The following GRIK3 variants were observed in gnomAD, a reference collection of about 807,000 sequenced individuals.
GRIK3 encodes glutamate receptor ionotropic, kainate 3.
GRIK3 carries 29 observed loss-of-function variants against 102.5 expected under a neutral mutation model. The observed-to-expected ratio is 0.28, with a 90% confidence interval of 0.21 to 0.39. The LOEUF is 0.39. Ranked by LOEUF, GRIK3 falls within the 10% of genes least tolerant of loss-of-function variation. The probability of loss-of-function intolerance (pLI) is 1.00; values close to 1 mark genes in which losing one functional copy is unlikely to be tolerated. For synonymous variants in GRIK3, 511 were observed against 504.9 expected (o/e 1.01, Z -0.16); for missense variants, 908 against 1,252.4 (o/e 0.73, Z 4.15).
At position 36,880,012 on chromosome 1, in the gene GRIK3, C is replaced by T. The variant is rs1037414224; in HGVS notation, c.550+622G>A. ...TGGGTAGAGAAGAGTGTGTGTGTGG[C>T]GGGTGAAGGTGTGAGGAGGATGAGA... is the stretch of plus-strand genomic sequence containing the variant. On this transcript the variant is annotated intron_variant, in intron 3 of 15. Coordinates refer to ENST00000373091, the MANE Select transcript of GRIK3 (RefSeq NM_000831.4). This position sits in a 1 kb window ranked among gnomAD's most constrained non-coding sequence, Gnocchi z 5.4. Among the ~76,000 whole-genome samples the T allele has an allele frequency of 7.2e-5, 11 of 151,932 alleles. No individual in the cohort carries two copies. The highest frequency in any genetic ancestry group is 3.9e-4 in the Admixed American group (6 of 15,264).
chr1:37,003,822 C>A (rs1426207541), intron 1 of GRIK3, among the ~76,000 whole-genome samples: 2 of 152,188 alleles, frequency 1.3e-5, no homozygotes, highest in African/African-American at 4.8e-5. Context: ...TGCCACCCTG[C>A]TGGGCTGAAG....
chr1:36,999,219 C>A (rs1325214045), intron 1 of GRIK3, among the ~76,000 whole-genome samples: 1 of 152,010 alleles, frequency 6.6e-6, no homozygotes, highest in African/African-American at 2.4e-5. Flanking sequence ...GAGGGATGTT[C>A]AGGAGCACAG....
chr1:36,834,134 G>T (rs535187622), intron 10 of GRIK3, among the ~76,000 whole-genome samples: 1 of 152,176 alleles, frequency 6.6e-6, no homozygotes, highest in Non-Finnish European at 1.5e-5. Context: ...TAGAATGTAG[G>T]ATCTTGAGGA....
intron 1 of GRIK3, among the ~76,000 whole-genome samples, chr1:36,972,432 T>C (rs1246485841): frequency 6.6e-6 from 1 of 152,164 alleles, no homozygotes; most frequent in East Asian, 1.9e-4. Flanking sequence ...TACAATGATG[T>C]AATATGATCT....
intron 2 of GRIK3, among the ~76,000 whole-genome samples, chr1:36,887,361 A>G (rs566291405): frequency 5.7e-4 from 86 of 152,198 alleles, no homozygotes; most frequent in Non-Finnish European, 1.1e-3. Flanking sequence ...TAAGAACTTT[A>G]CTCCTCAAAA....
intron 9 of GRIK3, among the ~76,000 whole-genome samples, chr1:36,843,398 T>C (rs1640483698): frequency 6.6e-6 from 1 of 152,188 alleles, no homozygotes; most frequent in South Asian, 2.1e-4. Context: ...CTGTTTGACT[T>C]AAGCCTCACT....
In GRIK3 at chr1:36,800,013, A is replaced by G. The variant is rs543353446; in HGVS notation, c.*1838T>C. The stretch of plus-strand genomic sequence containing the variant: ...GTCTAGCCCTCCTCTCCCTCGTCCA[A>G]TGTACATAGCCAGTCAGAGCTGCTA... On this transcript the variant is annotated 3_prime_UTR_variant, in exon 16 of 16. Transcript: ENST00000373091. The G allele has an allele frequency of 2.0e-5, 3 of 152,138 alleles. No homozygotes were observed. Among genetic ancestry groups the G allele is most frequent in the Non-Finnish European group, 4.4e-5 (3 of 68,038 alleles). The allele number at this position is 152,138 out of a possible 1,614,324, so 9.4% of individuals were successfully genotyped here.
intron 15 of GRIK3, among the ~76,000 whole-genome samples, chr1:36,802,843 C>T (rs1486155446): frequency 6.6e-6 from 1 of 152,072 alleles, no homozygotes; most frequent in African/African-American, 2.4e-5. Context: ...CTTGCTCTGC[C>T]TCCTACCAGC....
chr1:37,007,572 G>A (rs1179015476), intron 1 of GRIK3, among the ~76,000 whole-genome samples: 1 of 152,180 alleles, frequency 6.6e-6, no homozygotes, highest in African/African-American at 2.4e-5. Context: ...GGCCTGGCTG[G>A]GGATGGGGTA....
intron 1 of GRIK3, among the ~76,000 whole-genome samples, chr1:36,936,711 G>C (rs1225927741): frequency 6.6e-6 from 1 of 152,118 alleles, no homozygotes; most frequent in Admixed American, 6.5e-5. Context: ...AGCTTCATGA[G>C]GTCAGGGACT....
Position 36,841,701 on chromosome 1 carries a change from G to T in GRIK3, c.1530+35C>A, listed in dbSNP as rs936363232. On this transcript the variant is annotated intron_variant, in intron 10 of 15. Transcript: ENST00000373091. ...CAGTTCTAGGCCAAGTCTCCCCAGG[G>T]TCCTGAGCCCTCCCATGCTCCCATC... 5.8e-6 allele frequency: 9 copies of T among 1,563,404 alleles called. No homozygotes were observed. In the South Asian group the frequency reaches 7.8e-5, roughly 13 times the overall value.
At chr1:37,024,538 A>T (rs955126457) in intron 1 of GRIK3, among the ~76,000 whole-genome samples, 4 of 150,998 alleles carry the variant, frequency 2.6e-5, no homozygotes, top group South Asian at 2.1e-4. Context: ...CAAGGTCAGG[A>T]GTTCGACCAG....
At chr1:37,001,747 GGTA>G (rs1642478715) in intron 1 of GRIK3, among the ~76,000 whole-genome samples, 1 of 152,228 alleles carries the variant, frequency 6.6e-6, no homozygotes, top group Non-Finnish European at 1.5e-5. Flanking sequence ...TTGAAGTGGA[GGTA>G]GTTTATTTGG....
intron 1 of GRIK3, among the ~76,000 whole-genome samples, chr1:36,951,253 C>A (rs989754353): frequency 2.6e-5 from 4 of 152,210 alleles, no homozygotes; most frequent in Non-Finnish European, 5.9e-5. Flanking sequence ...TGGCAGCACC[C>A]TCTGAAGGGA....
chr1:36,887,297 C>T (rs1447930112), intron 2 of GRIK3, among the ~76,000 whole-genome samples: 1 of 152,132 alleles, frequency 6.6e-6, no homozygotes, highest in African/African-American at 2.4e-5. Flanking sequence ...TCTCAAACAA[C>T]ACAAAATACA....
intron 1 of GRIK3, among the ~76,000 whole-genome samples, chr1:36,965,077 T>C (rs1363339862): frequency 6.6e-6 from 1 of 152,212 alleles, no homozygotes; most frequent in Admixed American, 6.5e-5. Context: ...GTGTGGTACC[T>C]GAAAAAGCAG....
intron 3 of GRIK3, among the ~76,000 whole-genome samples, chr1:36,876,382 A>G (rs1640912787): frequency 1.3e-5 from 2 of 151,940 alleles, no homozygotes; most frequent in Non-Finnish European, 2.9e-5. Context: ...ATGAAGAAGA[A>G]AATCCCATTG....
intron 9 of GRIK3, among the ~76,000 whole-genome samples, chr1:36,847,037 C>T (rs74064784): frequency 0.029 from 4,348 of 152,340 alleles, 200 homozygotes; most frequent in African/African-American, 0.1. Context: ...CCTCACCCTC[C>T]GGTGATCTCT....
At chr1:36,962,401 A>G (rs1642021188) in intron 1 of GRIK3, among the ~76,000 whole-genome samples, 1 of 151,980 alleles carries the variant, frequency 6.6e-6, no homozygotes, top group Non-Finnish European at 1.5e-5. Flanking sequence ...GGTATCCCCT[A>G]GGTACATGCA....
Sources: gnomAD v4.1 joint callset for allele counts (sites outside exome capture counted in the v4.1 genomes callset) on GRCh38, gnomAD v4.1.1 for gene constraint, Gnocchi (gnomAD v3.1) non-coding constraint, MANE v1.5 for transcripts, NCBI Gene and HGNC (gene_info 2026-07-23, HGNC 2026-07-21) for gene names.